CLU: variants seen among roughly 807,000 people sequenced by gnomAD.
CLU encodes clusterin.
In CLU, 25 loss-of-function variants were observed where a neutral mutation model predicts 46.4. The ratio of observed to expected loss-of-function variants is 0.54; its 90% CI spans 0.39 to 0.75. The LOEUF (loss-of-function observed/expected upper bound fraction) is 0.75, where lower values mean the gene tolerates loss of function less well. CLU is among the 30% of genes least tolerant of loss of function. CLU has a pLI of 0.00. For synonymous variants in CLU, 235 were observed against 235.1 expected (o/e 1.00, Z 0.00); for missense variants, 504 against 592.1 (o/e 0.85, Z 1.54).
rs759368233 is a variant in CLU at position 27,605,253 on chromosome 8, C to T, written c.500G>A (p.Arg167Gln). The change falls in exon 5 of 9, where the codon CGG (arginine) becomes CAG (glutamine). Residue 167 changes from arginine (R) to glutamine (Q), a missense_variant. Transcript: ENST00000316403. ...GACATCCAGCATGTGCGTCTGCTGC[C>T]GGTCGTTCTCCAGCAGGGAGTCGAT... ...DRIDSLLEND[R>Q]QQTHMLDVMQ... 20 of 1,614,070 alleles carry T rather than the reference C, an allele frequency of 1.2e-5. No homozygotes were observed. The highest frequency in any genetic ancestry group is 3.3e-5 in the South Asian group (3 of 91,084).
In CLU at chr8:27,605,312, G is replaced by A. The variant is rs1800802647; in HGVS notation, c.441C>T (p.Ser147=). 2 of 1,614,064 alleles carry A rather than the reference G, an allele frequency of 1.2e-6. No homozygotes were observed. The highest frequency in any genetic ancestry group is 1.7e-5 in the Admixed American group (1 of 60,008). The change falls in exon 5 of 9, where the codon AGC becomes AGT. Residue 147 remains serine (S), a synonymous_variant. Transcript: ENST00000316403. ...GRQLEEFLNQ[S]SPFYFWMNGD... is the part of the protein sequence containing the mutation. ...CATTCATCCAGAAGTAGAAGGGCGA[G>A]CTCTGGTTCAGGAACTCCTCAAGCT...
At chr8:27,611,755 A>G in intron 1 of CLU, 2 of 457,664 alleles carry the variant, frequency 4.4e-6, no homozygotes, top group Non-Finnish European at 8.8e-6. Context: ...GCAAAGAGCC[A>G]GGGAGCAGCG....
At chr8:27,610,237 G>A (rs550390422) in intron 2 of CLU, among the ~76,000 whole-genome samples, 65 of 152,326 alleles carry the variant, frequency 4.3e-4, no homozygotes, top group Non-Finnish European at 8.4e-4. Context: ...TGCAACAGCC[G>A]AAAGTGCTTG....
rs750766384 is a variant in CLU, at chr8:27,605,294, C to T, written c.459G>A (p.Trp153Ter). The change falls in exon 5 of 9, where the codon TGG becomes TGA. Residue 153 changes from tryptophan to a stop codon, truncating the protein, a stop_gained. Transcript: ENST00000316403. LOFTEE classifies it high-confidence loss of function. ...FLNQSSPFYF[W>*]MNGDRIDSLL... Reference sequence around the variant, plus strand: ...GGGAGTCGATGCGGTCACCATTCATCCAGAAGTAGAAGGGCGAGCTCTGGT... The same window carrying T: ...GGGAGTCGATGCGGTCACCATTCATTCAGAAGTAGAAGGGCGAGCTCTGGT... The T allele has an allele frequency of 1.2e-6, 2 of 1,614,202 alleles. No homozygotes were observed. The highest frequency in any genetic ancestry group is 1.7e-6 in the Non-Finnish European group (2 of 1,180,036).
intron 7 of CLU, 72 bp from the exon 8 acceptor site, chr8:27,598,707 C>T: frequency 6.7e-7 from 1 of 1,483,460 alleles, no homozygotes; most frequent in South Asian, 1.1e-5. Context: ...CAACAGAAGT[C>T]AGGCTTCTGA....
intron 5 of CLU, 63 bp downstream of exon 5, chr8:27,604,861 T>G: frequency 6.4e-7 from 1 of 1,570,930 alleles, no homozygotes. Flanking sequence ...CGCTGAGCCC[T>G]CGGCATGGTT....
chr8:27,598,896 G>T, intron 7 of CLU: 1 of 499,280 alleles, frequency 2.0e-6, no homozygotes, highest in Non-Finnish European at 3.5e-6. Context: ...AATAAAAGTG[G>T]TTTCCAAACA....
At chr8:27,607,731 T>A (rs1323733220) in intron 3 of CLU, among the ~76,000 whole-genome samples, 1 of 143,254 alleles carries the variant, frequency 7.0e-6, no homozygotes, top group East Asian at 2.1e-4. Context: ...TCTCTATGAA[T>A]GAGTGTGTTA....
chr8:27,609,160 G>A, intron 2 of CLU, 74 bp from the exon 3 acceptor site: 1 of 1,518,602 alleles, frequency 6.6e-7, no homozygotes, highest in Non-Finnish European at 9.1e-7. Flanking sequence ...TGAGCTGGAT[G>A]GCCAGAAAGG....
intron 1 of CLU, among the ~76,000 whole-genome samples, chr8:27,612,119 C>G (rs1431732538): frequency 1.3e-5 from 2 of 152,182 alleles, no homozygotes; most frequent in Non-Finnish European, 2.9e-5. Context: ...GCCTGGGGTC[C>G]CTGGTGAACC....
In CLU at chr8:27,599,897, C is replaced by G. The variant is rs755431340; in HGVS notation, c.1047G>C (p.Gln349His). The G allele has an allele frequency of 8.1e-6, 13 of 1,614,118 alleles. No homozygotes were observed. In the East Asian group the frequency reaches 8.9e-5, roughly 11 times the overall value. ...RKYNELLKSYQWKMLNTSSLL... is the reference protein window; with the variant it reads ...RKYNELLKSYHWKMLNTSSLL... The stretch of plus-strand genomic sequence containing the variant: ...AGGAGGAGGTGTTGAGCATCTTCCA[C>G]TGGTAGGACTTTAGCAGCTCGTTGT... The change falls in exon 7 of 9, where the codon CAG becomes CAC. Residue 349 changes from glutamine (Q) to histidine (H), a missense_variant. Physicochemically the swap from Gln to His is conservative, Grantham distance 24. Coordinates refer to ENST00000316403, the MANE Select transcript of CLU (RefSeq NM_001831.4). This position sits in a 1 kb window ranked among gnomAD's most constrained non-coding sequence, Gnocchi z 4.0.
At chr8:27,614,588 A>T (rs199868240) in intron 1 of CLU, 67 bp downstream of exon 1, 4 of 456,254 alleles carry the variant, frequency 8.8e-6, no homozygotes, top group Non-Finnish European at 1.8e-5. Flanking sequence ...CCTGGCTGCC[A>T]TCCCCTGCCC....
chr8:27,604,999 G>T lies in CLU; in HGVS notation c.754C>A (p.His252Asn), dbSNP rs753034836. The change falls in exon 5 of 9, where the codon CAC becomes AAC. Residue 252 changes from histidine (H) to asparagine (N), a missense_variant. Coordinates refer to ENST00000316403, the MANE Select transcript of CLU (RefSeq NM_001831.4). ...AMFQPFLEMI[H>N]EAQQAMDIHF... ...ATGTCCATGGCCTGCTGAGCCTCGT[G>T]TATCATCTCAAGGAAGGGCTGGAAC... 5 of 1,613,986 alleles carry T rather than the reference G, an allele frequency of 3.1e-6. No homozygotes were observed. The highest frequency in any genetic ancestry group is 1.3e-5 in the African/African-American group (1 of 74,908).
intron 5 of CLU, 94 bp downstream of exon 5, chr8:27,604,830 G>C (rs1379445824): frequency 1.4e-5 from 20 of 1,396,474 alleles, no homozygotes; most frequent in East Asian, 2.3e-5. Context: ...GATATTGCTG[G>C]AGAAAAATCG....
rs78455493 is a variant in CLU, at chr8:27,604,765, C to T, written c.829+159G>A. 3.6e-3 allele frequency among the ~76,000 whole-genome samples: 553 copies of T among 152,316 alleles called. 4 individuals are homozygous for T. Among genetic ancestry groups the T allele is most frequent in the African/African-American group, 0.012 (504 of 41,570 alleles). On this transcript the variant is annotated intron_variant, in intron 5 of 8. Transcript: ENST00000316403. ...AAGTGCTGGCATCACAGGCATGAGCCACCATGCCCAGCTCAGTTTTTTTCC... is the reference window on the plus strand; with the variant it reads ...AAGTGCTGGCATCACAGGCATGAGCTACCATGCCCAGCTCAGTTTTTTTCC...
intron 4 of CLU, among the ~76,000 whole-genome samples, chr8:27,605,883 T>A (rs932289103): frequency 2.7e-5 from 4 of 150,474 alleles, no homozygotes; most frequent in African/African-American, 9.9e-5. Flanking sequence ...AAAAAAAAAA[T>A]ACAAAAATTA....
At chr8:27,610,268 G>A (rs1006360858) in intron 2 of CLU, among the ~76,000 whole-genome samples, 4 of 152,190 alleles carry the variant, frequency 2.6e-5, no homozygotes, top group Admixed American at 2.0e-4. Flanking sequence ...GCAAATGCCG[G>A]CAGTCTGATG....
intron 6 of CLU, among the ~76,000 whole-genome samples, chr8:27,600,531 C>A (rs1000787999): frequency 6.6e-6 from 1 of 152,156 alleles, no homozygotes; most frequent in South Asian, 2.1e-4. Context: ...GCCTGAGAAG[C>A]CTTGCTCTGG....
intron 3 of CLU, chr8:27,608,715 T>TGGGCCAGGCTCATAACAAAACCAGATCCA: frequency 1.6e-6 from 1 of 612,768 alleles, no homozygotes; most frequent in South Asian, 1.9e-5. Flanking sequence ...CATTAGGCCC[T>TGGGCCAGGCTCATAACAAAACCAGATCCA]GGGCCAGGCT....
Sources: gnomAD v4.1 joint callset for allele counts (sites outside exome capture counted in the v4.1 genomes callset) on GRCh38, gnomAD v4.1.1 for gene constraint, Gnocchi (gnomAD v3.1) non-coding constraint, MANE v1.5 for transcripts, NCBI Gene and HGNC (gene_info 2026-07-23, HGNC 2026-07-21) for gene names.